INPP4B: variants seen among roughly 807,000 people sequenced by gnomAD.
The protein encoded by INPP4B is inositol polyphosphate-4-phosphatase type II B.
INPP4B carries 55 observed loss-of-function variants against 122.5 expected under a neutral mutation model. The ratio of observed to expected loss-of-function variants is 0.45; its 90% confidence interval spans 0.36 to 0.56. INPP4B has a LOEUF of 0.56. Among genes scored for constraint, INPP4B ranks in the 20% least tolerant of loss-of-function variants. The pLI is 0.00. For missense variants in INPP4B, 1,000 were observed against 1,097.7 expected (o/e 0.91, Z 1.26); for synonymous variants, 403 against 388.7 (o/e 1.04, Z -0.43).
rs1244111804 is a variant in INPP4B at position 142,398,436 on chromosome 4, ATATATATAT to A, written c.372+4493_372+4501del. Among the ~76,000 whole-genome samples, 757 of 89,508 alleles carry A rather than the reference ATATATATAT, an allele frequency of 8.5e-3. 27 individuals carry two copies. The highest frequency in any genetic ancestry group is 0.027 in the African/African-American group (646 of 23,620). 58.7% of individuals were successfully genotyped at this position (89,508 alleles called of 152,430 possible). Reference sequence around the variant, plus strand: ...TATATATATATATATATATATATATATATATATATAAAACATATTAAACATAGTGCTTGG... The same window carrying A: ...TATATATATATATATATATATATATAAAAACATATTAAACATAGTGCTTGG... On this transcript the variant is annotated intron_variant, in intron 7 of 25. Transcript: ENST00000262992.
chr4:142,654,917 T>C (rs1258165800), intron 2 of INPP4B, among the ~76,000 whole-genome samples: 1 of 152,104 alleles, frequency 6.6e-6, no homozygotes, highest in Non-Finnish European at 1.5e-5. Flanking sequence ...GATCACTCCC[T>C]GTGCACCCAT....
chr4:142,090,332 T>C (rs945013247), intron 23 of INPP4B, among the ~76,000 whole-genome samples: 2 of 151,970 alleles, frequency 1.3e-5, no homozygotes, highest in African/African-American at 2.4e-5. Context: ...TTTCTATTTC[T>C]ATAGTGACAA....
chr4:142,229,070 T>C (rs1341819214), intron 12 of INPP4B, among the ~76,000 whole-genome samples: 1 of 151,760 alleles, frequency 6.6e-6, no homozygotes, highest in East Asian at 1.9e-4. Flanking sequence ...ATTTCACTTA[T>C]TGTATTTAAA....
At chr4:142,119,867 T>C (rs1213395158) in intron 21 of INPP4B, among the ~76,000 whole-genome samples, 3 of 149,324 alleles carry the variant, frequency 2.0e-5, no homozygotes, top group Admixed American at 1.4e-4. Context: ...GAGTTCTATA[T>C]ATATATACAT....
chr4:142,149,957 AT>A (rs1812916666), intron 17 of INPP4B, among the ~76,000 whole-genome samples: 1 of 152,250 alleles, frequency 6.6e-6, no homozygotes, highest in Non-Finnish European at 1.5e-5. Flanking sequence ...ATAGTCAATT[AT>A]TTTGAAACTA....
intron 2 of INPP4B, among the ~76,000 whole-genome samples, chr4:142,534,635 A>G (rs1383387739): frequency 6.6e-6 from 1 of 151,366 alleles, no homozygotes; most frequent in Non-Finnish European, 1.5e-5. Context: ...TATAAGTATA[A>G]TTACTTATGG....
chr4:142,335,718 T>A (rs1776345824), intron 7 of INPP4B, among the ~76,000 whole-genome samples: 1 of 152,174 alleles, frequency 6.6e-6, no homozygotes, highest in African/African-American at 2.4e-5. Context: ...TTTTAGTCAG[T>A]TGACTTTTAA....
intron 23 of INPP4B, among the ~76,000 whole-genome samples, chr4:142,092,440 G>A (rs979613990): frequency 3.9e-5 from 6 of 152,166 alleles, no homozygotes; most frequent in East Asian, 1.9e-4. Flanking sequence ...ACAGGCACCC[G>A]CCATCATGCC....
chr4:142,314,639 G>T (rs1387492984), intron 8 of INPP4B, 73 bp downstream of exon 8: 1 of 1,371,112 alleles, frequency 7.3e-7, no homozygotes, highest in East Asian at 2.5e-5. Flanking sequence ...TACCAAGCAG[G>T]AGGCCAGAGA....
At chr4:142,689,749 TCA>T (rs1482818878) in intron 2 of INPP4B, among the ~76,000 whole-genome samples, 12 of 152,178 alleles carry the variant, frequency 7.9e-5, no homozygotes, top group African/African-American at 2.9e-4. Flanking sequence ...TTAAAATATC[TCA>T]CAGTTTTTAG....
At chr4:142,054,051 T>C (rs1054264217) in intron 25 of INPP4B, among the ~76,000 whole-genome samples, 1 of 134,546 alleles carries the variant, frequency 7.4e-6, no homozygotes, top group African/African-American at 2.8e-5. Context: ...CTCACCTTCA[T>C]GTATTGTCTT....
chr4:142,437,717 A>G (rs572934315), intron 3 of INPP4B, among the ~76,000 whole-genome samples: 76 of 152,314 alleles, frequency 5.0e-4, no homozygotes, highest in South Asian at 4.8e-3. Context: ...CCACAGAAAT[A>G]CGAACTACCA....
At chr4:142,253,263 T>C (rs942310106) in intron 11 of INPP4B, among the ~76,000 whole-genome samples, 1 of 152,198 alleles carries the variant, frequency 6.6e-6, no homozygotes, top group Non-Finnish European at 1.5e-5. Context: ...CATTACCACA[T>C]ACTACCGTAG....
intron 2 of INPP4B, among the ~76,000 whole-genome samples, chr4:142,620,692 T>TA (rs1011430875): frequency 5.9e-5 from 9 of 151,856 alleles, no homozygotes; most frequent in African/African-American, 1.9e-4. Flanking sequence ...GTATTAAAAA[T>TA]AAAAAAAAGT....
At chr4:142,278,528 C>A (rs1170558426) in intron 9 of INPP4B, among the ~76,000 whole-genome samples, 1 of 151,848 alleles carries the variant, frequency 6.6e-6, no homozygotes, top group Admixed American at 6.6e-5. Context: ...TCACAGGGAC[C>A]TAAAACTATG....
chr4:142,306,124 AT>A (rs887529220), intron 8 of INPP4B, among the ~76,000 whole-genome samples: 4 of 151,908 alleles, frequency 2.6e-5, no homozygotes, highest in African/African-American at 9.7e-5. Context: ...ATTAAGTTAC[AT>A]TTTTTTAAAT....
chr4:142,692,207 T>TTG (rs1760291301), intron 2 of INPP4B, among the ~76,000 whole-genome samples: 1 of 152,304 alleles, frequency 6.6e-6, no homozygotes, highest in South Asian at 2.1e-4. Flanking sequence ...ATGAAGTTCC[T>TTG]TGTGCTCCTT....
At position 142,239,247 on chromosome 4, in the gene INPP4B, T is replaced by C. The variant is rs187592225; in HGVS notation, c.689-1236A>G. ...AAAATTGGTACCATAATGGAAATTT[T>C]GATTTCGAACATCCCATTCTTCAAC... On this transcript the variant is annotated intron_variant, in intron 11 of 25. Coordinates refer to ENST00000262992, the MANE Select transcript of INPP4B (RefSeq NM_001101669.3). 8.5e-5 allele frequency among the ~76,000 whole-genome samples: 13 copies of C among 152,248 alleles called. No individual in the cohort carries two copies. In the East Asian group the frequency reaches 2.5e-3, roughly 29 times the overall value.
chr4:142,546,639 G>A (rs540394558), intron 2 of INPP4B, among the ~76,000 whole-genome samples: 110 of 152,174 alleles, frequency 7.2e-4, no homozygotes, highest in Non-Finnish European at 1.4e-3. Context: ...GAAAGTGCCA[G>A]TGCTTAAATG....
Sources: gnomAD v4.1 joint callset for allele counts (sites outside exome capture counted in the v4.1 genomes callset) on GRCh38, gnomAD v4.1.1 for gene constraint, MANE v1.5 for transcripts, NCBI Gene and HGNC (gene_info 2026-07-23, HGNC 2026-07-21) for gene names.